The following SLC2A6 variants were observed in gnomAD, a reference collection of about 807,000 sequenced individuals.
The protein encoded by SLC2A6 is solute carrier family 2 member 6, also known as solute carrier family 2, facilitated glucose transporter member 6.
SLC2A6 carries 39 observed loss-of-function variants against 47.8 expected under a neutral mutation model. The ratio of observed to expected loss-of-function variants is 0.82; its 90% CI spans 0.63 to 1.07. The LOEUF (loss-of-function observed/expected upper bound fraction) is 1.07. Ranked by LOEUF, SLC2A6 falls within the 50% of genes least tolerant of loss-of-function variation. The pLI is 0.00. For synonymous variants in SLC2A6, 346 were observed against 324.1 expected, an observed-to-expected ratio of 1.07 and a Z score of -0.73; for missense variants, 650 against 707.6, an observed-to-expected ratio of 0.92 and a Z score of 0.92.
chr9:133,473,445 G>C lies in SLC2A6; in HGVS notation c.1192C>G (p.Pro398Ala), dbSNP rs1843811454. The C allele has an allele frequency of 6.2e-7, 1 of 1,605,154 alleles. No individual in the cohort carries two copies. The highest frequency in any genetic ancestry group is 1.3e-5 in the African/African-American group (1 of 74,818). ...AAPAGYLTLV[P>A]LLATMLFIMG... ...ATGAAGAGCATGGTGGCCAGCAGGG[G>C]CACCAGGGTGAGGTAGCCAGCGGGT... The change falls in exon 8 of 10, where the codon CCC becomes GCC. Residue 398 changes from proline (P) to alanine (A), a missense_variant. By Grantham distance (27) the Pro-to-Ala change is conservative (BLOSUM62 -1). Transcript: ENST00000371899.
chr9:133,475,487 C>T lies in SLC2A6; in HGVS notation c.687G>A (p.Glu229=), dbSNP rs1174140339. ...RFLLSRGRDE[E]ALRALAWLRG... ...GCAGCCAGGCCAGCGCCCGCAGGGC[C>T]TCTTCGTCCCTGCCCCGAGAGAGCA... Residue 229 remains glutamate (E), a synonymous_variant, in exon 5 of 10, where the codon GAG becomes GAA. Transcript: ENST00000371899. 7 of 1,611,752 alleles carry T rather than the reference C, an allele frequency of 4.3e-6. No homozygotes were observed. The African/African-American group carries it at 9.3e-5, about 21-fold the overall frequency.
Position 133,478,995 on chromosome 9 carries a change from G to T in SLC2A6, c.65C>A (p.Pro22Gln). Residue 22 changes from proline (P) to glutamine (Q), a missense_variant, in exon 1 of 10, where the codon CCG (proline) becomes CAG (glutamine). Coordinates refer to ENST00000371899, the MANE Select transcript of SLC2A6 (RefSeq NM_017585.4). ...DYDTFPEKPP[P>Q]SPGDRARVGT... Reference sequence around the variant, plus strand: ...GACCCGCGCCCTGTCCCCTGGCGACGGGGGCGGCTTCTCGGGGAAGGTGTC... The same window carrying T: ...GACCCGCGCCCTGTCCCCTGGCGACTGGGGCGGCTTCTCGGGGAAGGTGTC... 6.3e-7 allele frequency: 1 copy of T among 1,596,068 alleles called. No homozygotes were observed.
intron 7 of SLC2A6, 91 bp from the exon 8 acceptor site, chr9:133,473,691 C>G (rs587722616): frequency 3.1e-6 from 4 of 1,311,186 alleles, no homozygotes; most frequent in South Asian, 3.2e-5. Context: ...TTGATACTTG[C>G]GTGGTCCAGC....
chr9:133,476,376 A>G, intron 3 of SLC2A6, 40 bp from the exon 4 acceptor site: 1 of 1,570,732 alleles, frequency 6.4e-7, no homozygotes. Context: ...TGCTGAAAAT[A>G]CTGGTTCCTA....
rs1280548832 is a variant in SLC2A6 at position 133,471,321 on chromosome 9, G to C, written c.*700C>G. The C allele has an allele frequency of 4.6e-5, 7 of 150,606 alleles. No individual in the cohort carries two copies. In the Admixed American group the frequency reaches 4.7e-4, roughly 10 times the overall value. The allele number at this position is 150,606 out of a possible 1,614,324, so 9.3% of individuals were successfully genotyped here. ...AGCTCATTGCAGCCTCCACCTCCCG[G>C]GTTCAAGCAATGCTGCCTCAGCCTC... is the stretch of plus-strand genomic sequence containing the variant. On this transcript the variant is annotated 3_prime_UTR_variant, in exon 10 of 10. Transcript: ENST00000371899.
chr9:133,473,634 A>T lies in SLC2A6; in HGVS notation c.1037-34T>A. 3.4e-6 allele frequency: 5 copies of T among 1,483,284 alleles called. No homozygotes were observed. The South Asian group carries it at 5.7e-5, about 17-fold the overall frequency. 91.9% of individuals were successfully genotyped at this position (1,483,284 alleles called of 1,614,324 possible). On this transcript the variant is annotated intron_variant, in intron 7 of 9. Coordinates refer to ENST00000371899, the MANE Select transcript of SLC2A6 (RefSeq NM_017585.4). ...AGACAGGTGGCCTCGTGGGGCCAGG[A>T]CCCTCTGAGCCAGCTGTTTCTCTCA...
At chr9:133,478,854 C>A in intron 1 of SLC2A6, 114 bp downstream of exon 1, 1 of 874,716 alleles carries the variant, frequency 1.1e-6, no homozygotes, top group South Asian at 1.6e-5. Flanking sequence ...AGCCAGATGG[C>A]CCCTCGGTGG....
chr9:133,471,846 T>C lies in SLC2A6; in HGVS notation c.*175A>G, dbSNP rs1843727801. The C allele has an allele frequency of 1.5e-6, 1 of 682,920 alleles. No individual in the cohort carries two copies. Among genetic ancestry groups the C allele is most frequent in the Non-Finnish European group, 2.4e-6 (1 of 413,758 alleles). 42.3% of individuals were successfully genotyped at this position (682,920 alleles called of 1,614,324 possible). On this transcript the variant is annotated 3_prime_UTR_variant, in exon 10 of 10. Coordinates refer to ENST00000371899, the MANE Select transcript of SLC2A6 (RefSeq NM_017585.4). ...GGCTGGGGCTGTGGCTGGACAGCAG[T>C]GCTACCTGTCCCGAGCCAGGGGCAC...
intron 6 of SLC2A6, 39 bp downstream of exon 6, chr9:133,474,922 G>T (rs782194845): frequency 2.4e-5 from 35 of 1,470,388 alleles, no homozygotes; most frequent in Non-Finnish European, 3.2e-5. Context: ...GCCTCCAGGG[G>T]ACCCCGTGGG....
rs782262486 is a variant in SLC2A6 at position 133,478,285 on chromosome 9, T to G, written c.224A>C (p.His75Pro). 1 of 1,614,040 alleles carries G rather than the reference T, an allele frequency of 6.2e-7. No individual in the cohort carries two copies. Among genetic ancestry groups the G allele is most frequent in the Non-Finnish European group, 8.5e-7 (1 of 1,180,006 alleles). The stretch of plus-strand genomic sequence containing the variant: ...CCAGGATGCCTGGGATTTGGTCAGA[T>G]GCAGGTCAGGATCCAAGGAGCGCTC... ...ALERSLDPDL[H>P]LTKSQASWFG... The change falls in exon 2 of 10, where the codon CAT (histidine) becomes CCT (proline). Residue 75 changes from histidine (H) to proline (P), a missense_variant. By Grantham distance (77) the His-to-Pro change is moderately conservative. Transcript: ENST00000371899.
rs182895832 is a variant in SLC2A6, at chr9:133,471,910, C to T, written c.*111G>A. On this transcript the variant is annotated 3_prime_UTR_variant, in exon 10 of 10. Coordinates refer to ENST00000371899, the MANE Select transcript of SLC2A6 (RefSeq NM_017585.4). ...CCCATCACACTGCTCTTCCTGTGCT[C>T]TGGCTGGTGGCAGGGATGACTGCTG... is the stretch of plus-strand genomic sequence containing the variant. 1 of 1,319,616 alleles carries T rather than the reference C, an allele frequency of 7.6e-7. No homozygotes were observed. The highest frequency in any genetic ancestry group is 2.4e-5 in the East Asian group (1 of 42,520). 81.7% of individuals were successfully genotyped at this position (1,319,616 alleles called of 1,614,324 possible).
At position 133,477,216 on chromosome 9, in the gene SLC2A6, G is replaced by C. The variant is rs782554021; in HGVS notation, c.281C>G (p.Ala94Gly). 1 of 1,550,894 alleles carries C rather than the reference G, an allele frequency of 6.4e-7. No individual in the cohort carries two copies. Among genetic ancestry groups the C allele is most frequent in the East Asian group, 2.4e-5 (1 of 40,968 alleles). ...GAGGATCATGGCACTCAGGCCTCCG[G>C]CCGCTGCTCCCAGGGTGAACACGGA... The part of the protein sequence containing the change: ...FGSVFTLGAA[A>G]GGLSAMILND... The change falls in exon 3 of 10, where the codon GCC becomes GGC. Residue 94 changes from alanine to glycine, a missense_variant. Coordinates refer to ENST00000371899, the MANE Select transcript of SLC2A6 (RefSeq NM_017585.4).
At chr9:133,473,940 C>T (rs782783284) in intron 7 of SLC2A6, 40 bp downstream of exon 7, 25 of 1,493,482 alleles carry the variant, frequency 1.7e-5, no homozygotes, top group East Asian at 4.7e-5. Context: ...CTGACCCATG[C>T]GGAGGAGTGG....
chr9:133,476,406 A>T (rs782135168), intron 3 of SLC2A6, 70 bp from the exon 4 acceptor site: 3 of 1,369,042 alleles, frequency 2.2e-6, no homozygotes, highest in Non-Finnish European at 3.1e-6. Context: ...GAGATGGGAG[A>T]GTCAGCCCCT....
rs1554803169 is a variant in SLC2A6, at chr9:133,475,628, G to A, written c.563-17C>T. On this transcript the variant is annotated splice_polypyrimidine_tract_variant and intron_variant, in intron 4 of 9. Transcript: ENST00000371899. The stretch of plus-strand genomic sequence containing the variant: ...GCAGGAGGCCTGGGGGCGAGGGGTG[G>A]GTGAGGGGCCAGGTCCAGGCCTGGT... 6.4e-7 allele frequency: 1 copy of A among 1,565,296 alleles called. No homozygotes were observed. Among genetic ancestry groups the A allele is most frequent in the African/African-American group, 1.3e-5 (1 of 74,360 alleles).
chr9:133,478,448 TC>T, intron 1 of SLC2A6, 32 bp from the exon 2 acceptor site: 3 of 1,612,448 alleles, frequency 1.9e-6, no homozygotes, highest in Non-Finnish European at 2.5e-6. Flanking sequence ...AAGACCAGGG[TC>T]TCTGAGTCCC....
rs782399011 is a variant in SLC2A6, at chr9:133,474,140, C to T, written c.928-52G>A. ...AGGGACCTGCCTGCTGTTCCCATCC[C>T]CCTCCAGGACCCAGCTTGTCCCGGC... On this transcript the variant is annotated intron_variant, in intron 6 of 9. Transcript: ENST00000371899. 3 of 1,415,022 alleles carry T rather than the reference C, an allele frequency of 2.1e-6. No homozygotes were observed. In the South Asian group the frequency reaches 3.8e-5, roughly 18 times the overall value. The allele number at this position is 1,415,022 out of a possible 1,614,324, so 87.7% of individuals were successfully genotyped here. A position where few individuals can be genotyped will look rare whatever the true frequency, so the allele number is the denominator to read the frequency against.
rs1843811168 is a variant in SLC2A6, at chr9:133,473,441, A to G, written c.1196T>C (p.Leu399Pro). Residue 399 changes from leucine to proline, a missense_variant, in exon 8 of 10, where the codon CTG becomes CCG. Coordinates refer to ENST00000371899, the MANE Select transcript of SLC2A6 (RefSeq NM_017585.4). ...CATGATGAAGAGCATGGTGGCCAGC[A>G]GGGGCACCAGGGTGAGGTAGCCAGC... ...APAGYLTLVP[L>P]LATMLFIMGY... 6.2e-7 allele frequency: 1 copy of G among 1,604,876 alleles called. No individual in the cohort carries two copies. The highest frequency in any genetic ancestry group is 2.2e-5 in the East Asian group (1 of 44,814).
At chr9:133,474,505 G>A (rs1479914380) in intron 6 of SLC2A6, among the ~76,000 whole-genome samples, 2 of 152,228 alleles carry the variant, frequency 1.3e-5, no homozygotes, top group Non-Finnish European at 2.9e-5. Context: ...TGAACCTGGG[G>A]TCTGTGGCCT....
Sources: gnomAD v4.1 joint callset for allele counts (sites outside exome capture counted in the v4.1 genomes callset) on GRCh38, gnomAD v4.1.1 for gene constraint, MANE v1.5 for transcripts, NCBI Gene and HGNC (gene_info 2026-07-23, HGNC 2026-07-21) for gene names.